The following ZNF185 variants were observed in gnomAD, a reference collection of about 807,000 sequenced individuals.
The protein encoded by ZNF185 is zinc finger protein 185.
A neutral mutation model predicts 58.6 loss-of-function variants in ZNF185; 56 were observed. The ratio of observed to expected loss-of-function variants is 0.95; its 90% CI spans 0.77 to 1.19. The LOEUF is 1.19. Ranked by LOEUF, ZNF185 falls within the 50% of genes most tolerant of loss-of-function variation. The pLI is 0.00. For synonymous variants in ZNF185, 230 were observed against 215.9 expected (o/e 1.07, Z -0.57); for missense variants, 627 against 573.5 (o/e 1.09, Z -0.95).
the ZNF185 span, among the ~76,000 whole-genome samples, chrX:152,902,839 G>A: frequency 8.9e-6 from 1 of 112,127 alleles, no homozygotes; most frequent in Non-Finnish European, 1.9e-5. Flanking sequence ...ATGAGAAAGA[G>A]GGTTGTGGGA....
the ZNF185 span, among the ~76,000 whole-genome samples, chrX:152,904,382 T>A: frequency 8.9e-6 from 1 of 112,674 alleles, no homozygotes; most frequent in Admixed American, 9.3e-5. Flanking sequence ...GCGGTGCCTG[T>A]GGCGGTGCCT....
At chrX:152,950,998 CAT>C (rs2048247692) in intron 16 of ZNF185, among the ~76,000 whole-genome samples, 1 of 111,346 alleles carries the variant, frequency 9.0e-6, no homozygotes, top group African/African-American at 3.3e-5. Context: ...TTTGATAAGA[CAT>C]AAAATCTTTG....
intron 15 of ZNF185, chrX:152,941,924 G>A (rs2047251788): frequency 2.9e-6 from 3 of 1,029,149 alleles, no homozygotes; most frequent in Non-Finnish European, 3.8e-6. Context: ...GGGGCCGAAC[G>A]GGGCCCCTGC....
At chrX:152,904,192 T>C in the ZNF185 span, among the ~76,000 whole-genome samples, 1 of 112,025 alleles carries the variant, frequency 8.9e-6, no homozygotes, top group African/African-American at 3.3e-5. Context: ...GGTCGTGCAC[T>C]CTGGCTCTGG....
chrX:152,968,999 C>T (rs2050406933), intron 20 of ZNF185, among the ~76,000 whole-genome samples: 2 of 111,584 alleles, frequency 1.8e-5, no homozygotes, highest in Non-Finnish European at 3.8e-5. Flanking sequence ...CCAGGCAGGG[C>T]ACACAATGAC....
intron 15 of ZNF185, among the ~76,000 whole-genome samples, chrX:152,940,740 G>C (rs1272234707): frequency 8.9e-6 from 1 of 112,437 alleles, no homozygotes; most frequent in Non-Finnish European, 1.9e-5. Flanking sequence ...AGACAGCTTT[G>C]CCAGGTCATT....
chrX:152,915,165 C>T lies in ZNF185; in HGVS notation c.186C>T (p.Ala62=), dbSNP rs781790947. 2.5e-6 allele frequency: 3 copies of T among 1,210,710 alleles called. No individual in the cohort carries two copies. The South Asian group carries it at 5.3e-5, about 21-fold the overall frequency. The change falls in exon 3 of 23, where the codon GCC becomes GCT. Residue 62 remains alanine (A), a synonymous_variant. Transcript: ENST00000449285. ...AGCTGCCCTCAGGCCGGAGTCGCGC[C>T]ACATCCTTTTCATCAGCTGGGGAGG...
chrX:152,963,843 A>G (rs781814964), exon 18 of ZNF185: 2 of 1,207,923 alleles, frequency 1.7e-6, no homozygotes, highest in South Asian at 3.5e-5. Context: ...TTTCAGGGTG[A>G]GGAGCCCCTC....
chrX:152,951,307 A>G (rs2048292182), intron 16 of ZNF185, among the ~76,000 whole-genome samples: 1 of 111,680 alleles, frequency 9.0e-6, no homozygotes, highest in Admixed American at 9.6e-5. Flanking sequence ...ATTTTATACA[A>G]GTATAATATT....
the ZNF185 span, among the ~76,000 whole-genome samples, chrX:152,904,318 G>A: frequency 1.4e-4 from 16 of 112,233 alleles, no homozygotes; most frequent in Non-Finnish European, 2.8e-4. Flanking sequence ...CCGTTGAAGT[G>A]CCCCATCCCC....
At chrX:152,956,345 T>C (rs1456082879) in intron 16 of ZNF185, among the ~76,000 whole-genome samples, 1 of 112,553 alleles carries the variant, frequency 8.9e-6, no homozygotes, top group Non-Finnish European at 1.9e-5. Context: ...TGAATTTTTA[T>C]AATCTGCACT....
In ZNF185 at chrX:152,958,341, G is replaced by A. The variant is rs144187966; in HGVS notation, c.1410-1358G>A. Among the ~76,000 whole-genome samples, 749 of 111,385 alleles carry A rather than the reference G, an allele frequency of 6.7e-3. 6 individuals are homozygous for A. The highest frequency in any genetic ancestry group is 0.022 in the African/African-American group (677 of 30,581). On this transcript the variant is annotated intron_variant, in intron 16 of 22. Transcript: ENST00000449285. ...GGTGGGAGGAACTAAGTTTAGAGAC[G>A]CTAAAAGTGTATGTAGCAGGAGTCA...
At chrX:152,932,993 G>T in intron 14 of ZNF185, 22 bp downstream of exon 15, 1 of 1,124,045 alleles carries the variant, frequency 8.9e-7, no homozygotes, top group South Asian at 2.0e-5. Context: ...GGGGGAGGCA[G>T]GTTCTCTCAT....
At chrX:152,914,161 G>C (rs1399346035), upstream of ZNF185, among the ~76,000 whole-genome samples, 1 of 111,669 alleles carries the variant, frequency 9.0e-6, no homozygotes, top group Non-Finnish European at 1.9e-5. Flanking sequence ...ATGTTCTCCC[G>C]TTATCAGTGA....
At chrX:152,941,891 C>A (rs1170414766) in intron 15 of ZNF185, 7 of 1,073,631 alleles carry the variant, frequency 6.5e-6, no homozygotes, top group Non-Finnish European at 8.4e-6. Context: ...CCGTCGCCGG[C>A]GGGAGGAAGC....
At chrX:152,946,917 C>G (rs147642363) in intron 16 of ZNF185, among the ~76,000 whole-genome samples, 171 of 111,596 alleles carry the variant, frequency 1.5e-3, no homozygotes, top group African/African-American at 5.5e-3. Flanking sequence ...GATGGTTTTC[C>G]TGCAGGAGAG....
the ZNF185 span, among the ~76,000 whole-genome samples, chrX:152,905,005 C>T: frequency 1.6e-4 from 18 of 112,683 alleles, no homozygotes; most frequent in African/African-American, 5.5e-4. Flanking sequence ...GGGTGAGTGA[C>T]GCGTCCAGTG....
rs1360331592 is a variant in ZNF185 at position 152,914,542 on chromosome X, G to C, written c.34+19G>C. 8.6e-7 allele frequency: 1 copy of C among 1,166,007 alleles called. No homozygotes were observed. The highest frequency in any genetic ancestry group is 2.5e-5 in the Admixed American group (1 of 40,137). Reference sequence around the variant, plus strand: ...ACCAAAGGTGAGGCCTGGGCTCCCTGGTTTCCCAGGCTCTGTTTGGGGCTG... The same window carrying C: ...ACCAAAGGTGAGGCCTGGGCTCCCTCGTTTCCCAGGCTCTGTTTGGGGCTG... On this transcript the variant is annotated intron_variant, in intron 1 of 22. Coordinates refer to ENST00000449285, the Ensembl canonical transcript of ZNF185.
the ZNF185 span, among the ~76,000 whole-genome samples, chrX:152,904,358 C>T: frequency 8.9e-6 from 1 of 112,628 alleles, no homozygotes; most frequent in South Asian, 3.6e-4. Context: ...GGAACAGCAG[C>T]TACAGCCGCT....
Sources: allele counts gnomAD v4.1 joint callset (sites outside exome capture counted in the v4.1 genomes callset), GRCh38; gene constraint gnomAD v4.1.1; transcripts MANE v1.5; gene names NCBI Gene and HGNC (gene_info 2026-07-23, HGNC 2026-07-21).